NUDT17: variants seen among roughly 807,000 people sequenced by gnomAD.
The protein encoded by NUDT17 is nudix hydrolase 17.
NUDT17 carries 38 observed loss-of-function variants against 38.6 expected under a neutral mutation model. That is an observed-to-expected ratio of 0.98 (90% CI 0.76 to 1.29). The LOEUF (loss-of-function observed/expected upper bound fraction) is 1.29, where lower values mean the gene tolerates loss of function less well. Among genes scored for constraint, NUDT17 ranks in the 50% most tolerant of loss-of-function variants. NUDT17 has a pLI of 0.00. For synonymous variants in NUDT17, 192 were observed against 167.8 expected (o/e 1.14, Z -1.11); for missense variants, 462 against 415.2 (o/e 1.11, Z -0.98).
At chr1:145,846,499 G>A in intron 3 of NUDT17, 41 bp downstream of exon 3, 1 of 1,608,932 alleles carries the variant, frequency 6.2e-7, no homozygotes, top group South Asian at 1.1e-5. Context: ...AGAGACCCAT[G>A]CCTGGGACCA....
Position 145,848,285 on chromosome 1 carries a change from G to A in NUDT17, c.884+21G>A, listed in dbSNP as rs782480053. ...GGCAGGTAAAAGTGAAAAAGGACTGGAGAGCTCCACAGTACTGGGCTGGAA... is the reference window on the plus strand; with the variant it reads ...GGCAGGTAAAAGTGAAAAAGGACTGAAGAGCTCCACAGTACTGGGCTGGAA... On this transcript the variant is annotated intron_variant, in intron 7 of 7. Coordinates refer to ENST00000334513, the MANE Select transcript of NUDT17 (RefSeq NM_001012758.3). 13 of 1,613,912 alleles carry A rather than the reference G, an allele frequency of 8.1e-6. No homozygotes were observed. The Admixed American group carries it at 1.3e-4, about 17-fold the overall frequency.
chr1:145,848,296 A>G (rs200363032), intron 7 of NUDT17, 32 bp downstream of exon 7: 4 of 1,613,766 alleles, frequency 2.5e-6, no homozygotes, highest in Non-Finnish European at 3.4e-6. Context: ...AGAGCTCCAC[A>G]GTACTGGGCT....
Position 145,848,739 on chromosome 1 carries a change from G to C in NUDT17, c.*260G>C, listed in dbSNP as rs1215926231. The C allele has an allele frequency of 4.9e-6, 2 of 411,426 alleles. No homozygotes were observed. The highest frequency in any genetic ancestry group is 8.7e-6 in the Non-Finnish European group (2 of 230,116). The allele number at this position is 411,426 out of a possible 1,614,324, so 25.5% of individuals were successfully genotyped here. On this transcript the variant is annotated 3_prime_UTR_variant, in exon 8 of 8. Coordinates refer to ENST00000334513, the MANE Select transcript of NUDT17 (RefSeq NM_001012758.3). ...AGCTTAGGGGGGAATAAGAAACACT[G>C]TGAACTTAGATATATAAATAGAGAG...
rs782218816 is a variant in NUDT17, at chr1:145,848,357, C to G, written c.885-20C>G. Reference sequence around the variant, plus strand: ...GGGGGAAAGCAGGAAAGGACAACCTCTCTTGGAATTCCTCCACAGAACACC... The same window carrying G: ...GGGGGAAAGCAGGAAAGGACAACCTGTCTTGGAATTCCTCCACAGAACACC... On this transcript the variant is annotated intron_variant, in intron 7 of 7. Coordinates refer to ENST00000334513, the MANE Select transcript of NUDT17 (RefSeq NM_001012758.3). 1 of 1,613,078 alleles carries G rather than the reference C, an allele frequency of 6.2e-7. No individual in the cohort carries two copies. Among genetic ancestry groups the G allele is most frequent in the Non-Finnish European group, 8.5e-7 (1 of 1,179,178 alleles).
chr1:145,845,774 G>T lies in NUDT17; in HGVS notation c.134G>T (p.Gly45Val). Reference sequence around the variant, plus strand: ...CCCATTCACTGCAGCTTGAAGCGAGGACGGCTTGTCCTCTCGAGCAGGCCC... The same window carrying T: ...CCCATTCACTGCAGCTTGAAGCGAGTACGGCTTGTCCTCTCGAGCAGGCCC... ...TWPIHCSLKR[G>V]RLVLSSRPFP... Residue 45 changes from glycine to valine, a missense_variant, in exon 1 of 8, where the codon GGA (glycine) becomes GTA (valine). Coordinates refer to ENST00000334513, the MANE Select transcript of NUDT17 (RefSeq NM_001012758.3). 1 of 1,589,530 alleles carries T rather than the reference G, an allele frequency of 6.3e-7. No homozygotes were observed. The highest frequency in any genetic ancestry group is 2.3e-5 in the East Asian group (1 of 43,774).
intron 2 of NUDT17, 93 bp downstream of exon 2, chr1:145,846,289 G>T: frequency 6.8e-7 from 1 of 1,476,796 alleles, no homozygotes; most frequent in Non-Finnish European, 9.3e-7. Context: ...GGATAAAGTG[G>T]GCCCCAAAAT....
chr1:145,845,697 C>T lies in NUDT17; in HGVS notation c.57C>T (p.Phe19=). ...LLSRRPESVS[F]ARSVCGLLGA... ...CCCGGCGTCCGGAGTCGGTGAGCTT[C>T]GCACGGAGTGTGTGTGGCCTCCTGG... Residue 19 remains phenylalanine (F), a synonymous_variant, in exon 1 of 8, where the codon TTC becomes TTT. Coordinates refer to ENST00000334513, the MANE Select transcript of NUDT17 (RefSeq NM_001012758.3). 2 of 1,547,636 alleles carry T rather than the reference C, an allele frequency of 1.3e-6. No homozygotes were observed. The highest frequency in any genetic ancestry group is 8.7e-7 in the Non-Finnish European group (1 of 1,144,318).
chr1:145,846,516 G>GT, intron 3 of NUDT17, 58 bp downstream of exon 3: 5 of 1,606,994 alleles, frequency 3.1e-6, no homozygotes, highest in Non-Finnish European at 3.4e-6. Context: ...ACCATCTTGG[G>GT]TGTGGGCTGA....
Position 145,845,792 on chromosome 1 carries a change from G to A in NUDT17, c.152G>A (p.Ser51Asn), listed in dbSNP as rs1410123802. Residue 51 changes from serine (S) to asparagine (N), a missense_variant, in exon 1 of 8, where the codon AGC becomes AAC. Transcript: ENST00000334513. ...SLKRGRLVLSSRPFPGASARL... is the reference protein window; with the variant it reads ...SLKRGRLVLSNRPFPGASARL... Reference sequence around the variant, plus strand: ...AAGCGAGGACGGCTTGTCCTCTCGAGCAGGCCCTTCCCAGGCGCCTCCGCT... The same window carrying A: ...AAGCGAGGACGGCTTGTCCTCTCGAACAGGCCCTTCCCAGGCGCCTCCGCT... 4 of 1,596,826 alleles carry A rather than the reference G, an allele frequency of 2.5e-6. No homozygotes were observed. The African/African-American group carries it at 4.0e-5, about 16-fold the overall frequency.
intron 3 of NUDT17, 28 bp downstream of exon 3, chr1:145,846,486 C>A: frequency 1.2e-6 from 2 of 1,610,614 alleles, no homozygotes; most frequent in Non-Finnish European, 1.7e-6. Context: ...CCAACCTGAG[C>A]CAAGAGACCC....
chr1:145,848,779 G>C lies in NUDT17; in HGVS notation c.*300G>C, dbSNP rs1027480553. 7.2e-6 allele frequency: 2 copies of C among 277,902 alleles called. No homozygotes were observed. Among genetic ancestry groups the C allele is most frequent in the Non-Finnish European group, 1.4e-5 (2 of 147,876 alleles). 17.2% of individuals were successfully genotyped at this position (277,902 alleles called of 1,614,324 possible). Reference sequence around the variant, plus strand: ...TAAATAGAGAGAGACCCAAGCAATAGGCCGGGCCTGACTCCCAGACCCCTG... The same window carrying C: ...TAAATAGAGAGAGACCCAAGCAATACGCCGGGCCTGACTCCCAGACCCCTG... On this transcript the variant is annotated 3_prime_UTR_variant, in exon 8 of 8. Coordinates refer to ENST00000334513, the MANE Select transcript of NUDT17 (RefSeq NM_001012758.3).
rs765156404 is a variant in NUDT17, at chr1:145,845,647, G to A, written c.7G>A (p.Glu3Lys). Reference sequence around the variant, plus strand: ...GCGACTCCAGAGTCGCGTTATGGCCGAGGTGCGGGTGCAGCTGCTCCTGTC... The same window carrying A: ...GCGACTCCAGAGTCGCGTTATGGCCAAGGTGCGGGTGCAGCTGCTCCTGTC... MA[E>K]VRVQLLLSRR... is the part of the protein sequence containing the mutation. Residue 3 changes from glutamate to lysine, a missense_variant, in exon 1 of 8, where the codon GAG (glutamate) becomes AAG (lysine). Transcript: ENST00000334513. The A allele has an allele frequency of 3.1e-5, 47 of 1,516,512 alleles. No individual in the cohort carries two copies. The highest frequency in any genetic ancestry group is 3.7e-4 in the Middle Eastern group (2 of 5,398). 93.9% of individuals were successfully genotyped at this position (1,516,512 alleles called of 1,614,324 possible). A position where few individuals can be genotyped will look rare whatever the true frequency, so the allele number is the denominator to read the frequency against.
rs150242444 is a variant in NUDT17 at position 145,848,453 on chromosome 1, C to T, written c.961C>T (p.Pro321Ser). The change falls in exon 8 of 8, where the codon CCC becomes TCC. Residue 321 changes from proline to serine, a missense_variant. Physicochemically the swap from Pro to Ser is moderately conservative, Grantham distance 74. Coordinates refer to ENST00000334513, the MANE Select transcript of NUDT17 (RefSeq NM_001012758.3). ...AKEEWNMDPL[P>S]PNQGSGK ...GGAAGAATGGAACATGGACCCTCTT[C>T]CCCCAAACCAGGGGTCTGGAAAGTG... The T allele has an allele frequency of 4.3e-6, 7 of 1,613,908 alleles. No homozygotes were observed. In the African/African-American group the frequency reaches 9.3e-5, roughly 22 times the overall value.
rs782209121 is a variant in NUDT17 at position 145,846,217 on chromosome 1, G to T, written c.376+21G>T. The T allele has an allele frequency of 2.2e-5, 35 of 1,564,234 alleles. 1 individual carries two copies. The Middle Eastern group carries it at 5.0e-4, about 22-fold the overall frequency. ...CCCGGGTGAGTATTCTGGGGACAAG[G>T]CCCCAAGTACAGAGAAGAAATTTGC... On this transcript the variant is annotated intron_variant, in intron 2 of 7. Transcript: ENST00000334513.
Position 145,846,431 on chromosome 1 carries a change from A to G in NUDT17, c.377-2A>G. 2 of 1,613,994 alleles carry G rather than the reference A, an allele frequency of 1.2e-6. No homozygotes were observed. The highest frequency in any genetic ancestry group is 1.7e-6 in the Non-Finnish European group (2 of 1,179,874). ...CACCTACTGGCCCCACTGTTGTTGC[A>G]GGTGGGCACGTGGAACTTGAGGAGG... On this transcript the variant is annotated splice_acceptor_variant, in intron 2 of 7. Transcript: ENST00000334513. LOFTEE classifies it high-confidence loss of function.
chr1:145,846,739 G>A (rs1553732607), intron 4 of NUDT17, 49 bp downstream of exon 4: 2 of 1,290,836 alleles, frequency 1.5e-6, no homozygotes, highest in Non-Finnish European at 2.3e-6. Context: ...GCCCCTACCT[G>A]CCTTGGCTAC....
At chr1:145,847,993 A>G (rs1410644216) in intron 6 of NUDT17, 119 bp from the exon 7 acceptor site, 1 of 1,190,550 alleles carries the variant, frequency 8.4e-7, no homozygotes, top group East Asian at 2.4e-5. Context: ...TCCTTTCTGC[A>G]AATGAGGTCA....
In NUDT17 at chr1:145,848,782, C is replaced by T. The variant is rs587711533; in HGVS notation, c.*303C>T. 1.8e-5 allele frequency: 5 copies of T among 272,894 alleles called. No individual in the cohort carries two copies. The highest frequency in any genetic ancestry group is 7.7e-5 in the East Asian group (1 of 13,026). 16.9% of individuals were successfully genotyped at this position (272,894 alleles called of 1,614,324 possible). A position where few individuals can be genotyped will look rare whatever the true frequency, so the allele number is the denominator to read the frequency against. On this transcript the variant is annotated 3_prime_UTR_variant, in exon 8 of 8. Transcript: ENST00000334513. ...ATAGAGAGAGACCCAAGCAATAGGC[C>T]GGGCCTGACTCCCAGACCCCTGCAG...
intron 6 of NUDT17, 68 bp downstream of exon 6, chr1:145,847,787 T>C: frequency 6.5e-7 from 1 of 1,533,952 alleles, no homozygotes; most frequent in South Asian, 1.1e-5. Flanking sequence ...TCAGCGTCTA[T>C]CCTGTCCTCA....
Sources: allele counts gnomAD v4.1 joint callset, GRCh38; gene constraint gnomAD v4.1.1; transcripts MANE v1.5; gene names NCBI Gene and HGNC (gene_info 2026-07-23, HGNC 2026-07-21).